The following DOCK1 variants were observed in gnomAD, a reference collection of about 807,000 sequenced individuals.
DOCK1 encodes dedicator of cytokinesis 1.
A neutral mutation model predicts 262.7 loss-of-function variants in DOCK1; 138 were observed. That is an observed-to-expected ratio of 0.53 (90% CI 0.46 to 0.61). The LOEUF (loss-of-function observed/expected upper bound fraction) is 0.61, where lower values mean the gene tolerates loss of function less well. Ranked by LOEUF, DOCK1 falls within the 20% of genes least tolerant of loss-of-function variation. The probability of loss-of-function intolerance (pLI) is 0.00; values close to 1 mark genes in which losing one functional copy is unlikely to be tolerated. For synonymous variants in DOCK1, 866 were observed against 867.4 expected, an observed-to-expected ratio of 1.00 and a Z score of 0.03; for missense variants, 1,908 against 2,370.7, an observed-to-expected ratio of 0.80 and a Z score of 4.05.
chr10:126,979,138 G>A (rs2038763006), intron 3 of DOCK1, among the ~76,000 whole-genome samples: 1 of 152,136 alleles, frequency 6.6e-6, no homozygotes, highest in African/African-American at 2.4e-5. Flanking sequence ...CTTGAAGTTT[G>A]CACAAGATCG....
chr10:127,451,570 A>G lies in DOCK1; in HGVS notation c.*143A>G, dbSNP rs192945283. 2 of 1,496,822 alleles carry G rather than the reference A, an allele frequency of 1.3e-6. No homozygotes were observed. The highest frequency in any genetic ancestry group is 1.8e-6 in the Non-Finnish European group (2 of 1,123,032). 92.7% of individuals were successfully genotyped at this position (1,496,822 alleles called of 1,614,324 possible). On this transcript the variant is annotated 3_prime_UTR_variant, in exon 52 of 52. Transcript: ENST00000623213. ...GACTGCTTTTTCTTCAAAGGAGTTC[A>G]GTTCTCACCATGGAGTGAGTGGCCT...
intron 16 of DOCK1, among the ~76,000 whole-genome samples, chr10:127,030,021 G>A (rs978977602): frequency 1.3e-5 from 2 of 152,098 alleles, no homozygotes; most frequent in Admixed American, 6.6e-5. Context: ...GTTTCTTCCT[G>A]TGTTTTTTGG....
At chr10:126,982,080 A>T in intron 4 of DOCK1, 107 bp downstream of exon 4, 1 of 1,212,706 alleles carries the variant, frequency 8.2e-7, no homozygotes, top group East Asian at 2.4e-5. Context: ...AATGGGTGTG[A>T]TTGACTCCTG....
chr10:127,213,821 C>A (rs904736050), intron 27 of DOCK1, among the ~76,000 whole-genome samples: 1 of 152,176 alleles, frequency 6.6e-6, no homozygotes, highest in African/African-American at 2.4e-5. Flanking sequence ...TCCAGCTGAT[C>A]AGTAATATTC....
At chr10:127,343,517 G>A (rs2063512860) in intron 30 of DOCK1, 129 bp from the exon 31 acceptor site, 1 of 757,192 alleles carries the variant, frequency 1.3e-6, no homozygotes, top group African/African-American at 1.8e-5. Context: ...CATGTATAGA[G>A]TGAGTGTGGG....
chr10:127,257,225 G>A (rs1306909163), intron 28 of DOCK1, 110 bp from the exon 29 acceptor site: 5 of 842,412 alleles, frequency 5.9e-6, no homozygotes, highest in South Asian at 5.0e-5. Flanking sequence ...TTTTCAGGAT[G>A]TGTTCATTCA....
At chr10:127,152,551 G>A (rs2052611055) in intron 27 of DOCK1, among the ~76,000 whole-genome samples, 1 of 152,194 alleles carries the variant, frequency 6.6e-6, no homozygotes, top group Non-Finnish European at 1.5e-5. Context: ...GGTGGTTTCA[G>A]TAAGGTAGGC....
At chr10:126,920,884 C>T (rs527237540) in intron 1 of DOCK1, among the ~76,000 whole-genome samples, 1 of 152,270 alleles carries the variant, frequency 6.6e-6, no homozygotes, top group Non-Finnish European at 1.5e-5. Context: ...TCTCCACTCC[C>T]ACTGCTTCAC....
chr10:127,014,350 T>C (rs567121067), intron 12 of DOCK1, among the ~76,000 whole-genome samples: 3 of 152,356 alleles, frequency 2.0e-5, no homozygotes, highest in Admixed American at 2.0e-4. Context: ...AATGCACTTT[T>C]TTCTCCTGTG....
At chr10:127,285,099 C>G (rs2061101922) in intron 29 of DOCK1, among the ~76,000 whole-genome samples, 1 of 152,200 alleles carries the variant, frequency 6.6e-6, no homozygotes, top group East Asian at 1.9e-4. Context: ...GATCGTGCCA[C>G]TGCACTCCAG....
At chr10:127,040,603 A>G (rs548314303) in intron 19 of DOCK1, among the ~76,000 whole-genome samples, 4 of 152,144 alleles carry the variant, frequency 2.6e-5, no homozygotes, top group South Asian at 2.1e-4. Context: ...TCTTGGGGCT[A>G]TAGCAGTTTG....
At chr10:126,949,999 C>G (rs1175278032) in intron 1 of DOCK1, among the ~76,000 whole-genome samples, 2 of 151,938 alleles carry the variant, frequency 1.3e-5, no homozygotes, top group Non-Finnish European at 2.9e-5. Flanking sequence ...AAGCAGGTTT[C>G]TCCCACCTTC....
chr10:126,986,327 C>CAGAGCCAA (rs1554966658), intron 4 of DOCK1, among the ~76,000 whole-genome samples: 1 of 152,034 alleles, frequency 6.6e-6, no homozygotes, highest in East Asian at 1.9e-4. Context: ...AATCGTGAGC[C>CAGAGCCAA]AGTCAGGGTT....
At chr10:127,198,720 CTATT>C (rs1338839277) in intron 27 of DOCK1, among the ~76,000 whole-genome samples, 1 of 148,280 alleles carries the variant, frequency 6.7e-6, no homozygotes, top group African/African-American at 2.5e-5. Context: ...TTTGCTAAGT[CTATT>C]AAAATCATTG....
intron 29 of DOCK1, among the ~76,000 whole-genome samples, chr10:127,294,289 T>C (rs1168580254): frequency 6.6e-6 from 1 of 152,140 alleles, no homozygotes; most frequent in Non-Finnish European, 1.5e-5. Flanking sequence ...TTGTTTTGCT[T>C]TTTGTTGTCG....
intron 29 of DOCK1, among the ~76,000 whole-genome samples, chr10:127,327,975 C>T (rs1328899145): frequency 1.3e-5 from 2 of 151,948 alleles, no homozygotes; most frequent in African/African-American, 2.4e-5. Context: ...AAGGGCACAC[C>T]CCACATAGAG....
chr10:127,144,058 A>G (rs1051002842), intron 27 of DOCK1, among the ~76,000 whole-genome samples: 2 of 151,996 alleles, frequency 1.3e-5, no homozygotes, highest in East Asian at 3.9e-4. Flanking sequence ...TACCCTCAGA[A>G]CACCCGGTGT....
intron 1 of DOCK1, among the ~76,000 whole-genome samples, chr10:126,907,389 G>T (rs2031063797): frequency 6.6e-6 from 1 of 152,122 alleles, no homozygotes; most frequent in African/African-American, 2.4e-5. Context: ...TGGCCATTGG[G>T]GGTGTAGTGG....
At chr10:127,362,855 GTACATCCCCACACACACACATA>G (rs1565026499) in intron 33 of DOCK1, among the ~76,000 whole-genome samples, 1,383 of 24,898 alleles carry the variant, frequency 0.056, 106 homozygotes, top group African/African-American at 0.095. Flanking sequence ...ACACACACAT[GTACATCCCCACACACACACATA>G]CACATCCCCA....
Sources: allele counts gnomAD v4.1 joint callset (sites outside exome capture counted in the v4.1 genomes callset), GRCh38; gene constraint gnomAD v4.1.1; transcripts MANE v1.5; gene names NCBI Gene and HGNC (gene_info 2026-07-23, HGNC 2026-07-21).